The following RBFOX1 variants were observed in gnomAD, a reference collection of about 807,000 sequenced individuals.
RBFOX1 encodes RNA binding fox-1 homolog 1.
In RBFOX1, 8 loss-of-function variants were observed where a neutral mutation model predicts 57.7. The observed-to-expected ratio is 0.14, with a 90% confidence interval of 0.08 to 0.25. The LOEUF is 0.25. Ranked by LOEUF, RBFOX1 falls within the 10% of genes least tolerant of loss-of-function variation. The pLI is 1.00. For synonymous variants in RBFOX1, 326 were observed against 222.4 expected (o/e 1.47, Z -4.15); for missense variants, 611 against 548.5 (o/e 1.11, Z -1.14).
chr16:6,929,807 T>C (rs1359405267), intron 3 of RBFOX1, among the ~76,000 whole-genome samples: 5 of 152,192 alleles, frequency 3.3e-5, no homozygotes, highest in Admixed American at 3.3e-4. Context: ...TCAAAGAAGT[T>C]GCTCATGCTG....
intron 1 of RBFOX1, among the ~76,000 whole-genome samples, chr16:6,152,616 T>C (rs1044401138): frequency 6.6e-6 from 1 of 152,308 alleles, no homozygotes; most frequent in East Asian, 1.9e-4. Flanking sequence ...CTAATTACAC[T>C]AGAAATATTA....
rs529356437 is a variant in RBFOX1, at chr16:6,023,950, T to C, written c.-127+3958T>C. Among the ~76,000 whole-genome samples, 50 of 152,316 alleles carry C rather than the reference T, an allele frequency of 3.3e-4. 1 individual carries two copies. The highest frequency in any genetic ancestry group is 2.7e-3 in the South Asian group (13 of 4,826). On this transcript the variant is annotated intron_variant, in intron 1 of 15. Coordinates refer to ENST00000550418, the MANE Select transcript of RBFOX1 (RefSeq NM_018723.4). ...GTGATGGAGCTTCAAAACAAGGGGA[T>C]CTAGCACTTTCAGATGATGTCAACT... is the stretch of plus-strand genomic sequence containing the variant.
chr16:5,580,904 C>T (rs1696234700), intron 2 of RBFOX1, among the ~76,000 whole-genome samples: 1 of 152,172 alleles, frequency 6.6e-6, no homozygotes, highest in South Asian at 2.1e-4. Flanking sequence ...TGGTCCTTCC[C>T]AGTCATTCTA....
At chr16:6,325,572 T>C (rs1004657537) in intron 2 of RBFOX1, among the ~76,000 whole-genome samples, 3 of 152,182 alleles carry the variant, frequency 2.0e-5, no homozygotes, top group African/African-American at 7.2e-5. Context: ...CCTGAGGATG[T>C]AGTGTTGTTT....
chr16:6,557,246 T>G (rs1356021925), intron 2 of RBFOX1, among the ~76,000 whole-genome samples: 1 of 151,248 alleles, frequency 6.6e-6, no homozygotes, highest in Non-Finnish European at 1.5e-5. Flanking sequence ...ACCATGCCCT[T>G]CTTTTTCGGG....
At chr16:6,361,776 G>T (rs1223534413) in intron 2 of RBFOX1, among the ~76,000 whole-genome samples, 1 of 152,096 alleles carries the variant, frequency 6.6e-6, no homozygotes, top group Non-Finnish European at 1.5e-5. Context: ...GTATTTTAAA[G>T]ATTTCCCCAG....
At chr16:7,659,528 A>G (rs981760788) in intron 12 of RBFOX1, among the ~76,000 whole-genome samples, 4 of 152,326 alleles carry the variant, frequency 2.6e-5, no homozygotes, top group Non-Finnish European at 5.9e-5. Context: ...GGACACACTG[A>G]AAGAATTGAC....
chr16:5,755,553 C>T (rs1338009646), intron 3 of RBFOX1, among the ~76,000 whole-genome samples: 1 of 152,170 alleles, frequency 6.6e-6, no homozygotes, highest in African/African-American at 2.4e-5. Context: ...GACCACTTCC[C>T]CATGGGCATC....
chr16:7,274,145 T>A (rs996992476), intron 4 of RBFOX1, among the ~76,000 whole-genome samples: 4 of 152,228 alleles, frequency 2.6e-5, no homozygotes, highest in African/African-American at 9.6e-5. Context: ...CCTTTGTCTA[T>A]CCTGGAGGTT....
chr16:5,357,488 G>T (rs2065423407), intron 1 of RBFOX1, among the ~76,000 whole-genome samples: 1 of 152,252 alleles, frequency 6.6e-6, no homozygotes, highest in African/African-American at 2.4e-5. Context: ...GAGCCACACA[G>T]AGAAGACTTC....
At chr16:6,087,897 T>C (rs2096112395) in intron 1 of RBFOX1, among the ~76,000 whole-genome samples, 1 of 152,200 alleles carries the variant, frequency 6.6e-6, no homozygotes. Context: ...GTGATCCACC[T>C]GCCTCGGCCT....
At chr16:7,410,801 T>C (rs559255857) in intron 4 of RBFOX1, among the ~76,000 whole-genome samples, 2 of 151,648 alleles carry the variant, frequency 1.3e-5, no homozygotes, top group East Asian at 2.0e-4. Flanking sequence ...GCCTGCATTT[T>C]CATCAGGCTT....
chr16:6,718,279 G>C (rs1312956439), intron 3 of RBFOX1, among the ~76,000 whole-genome samples: 1 of 152,156 alleles, frequency 6.6e-6, no homozygotes, highest in East Asian at 1.9e-4. Context: ...CCACGTGCTG[G>C]GGTTGGAGTG....
At chr16:5,585,519 T>C (rs2046802138) in intron 2 of RBFOX1, among the ~76,000 whole-genome samples, 1 of 152,222 alleles carries the variant, frequency 6.6e-6, no homozygotes, top group Admixed American at 6.5e-5. Flanking sequence ...AGCTATTTGT[T>C]TCTTGTGAGT....
At chr16:5,341,510 T>C (rs2065031883) in intron 1 of RBFOX1, among the ~76,000 whole-genome samples, 1 of 152,092 alleles carries the variant, frequency 6.6e-6, no homozygotes, top group Non-Finnish European at 1.5e-5. Context: ...GGATTGGATG[T>C]GGGGTGGGGA....
chr16:5,765,099 T>C (rs180683936), intron 3 of RBFOX1, among the ~76,000 whole-genome samples: 1 of 152,194 alleles, frequency 6.6e-6, no homozygotes, highest in East Asian at 1.9e-4. Context: ...CATGTTTGCA[T>C]GAAAGCATCT....
intron 3 of RBFOX1, among the ~76,000 whole-genome samples, chr16:6,656,646 TA>T (rs2098655259): frequency 6.7e-6 from 1 of 148,498 alleles, no homozygotes; most frequent in Non-Finnish European, 1.5e-5. Flanking sequence ...AGTTTTTTCA[TA>T]AATTGTTGGA....
At chr16:7,419,179 A>G (rs1015849817) in intron 4 of RBFOX1, among the ~76,000 whole-genome samples, 1 of 152,130 alleles carries the variant, frequency 6.6e-6, no homozygotes, top group Non-Finnish European at 1.5e-5. Flanking sequence ...AAGTGCTGGG[A>G]TTACAAGCGT....
At chr16:7,501,338 C>T (rs1183301373) in intron 4 of RBFOX1, among the ~76,000 whole-genome samples, 2 of 152,232 alleles carry the variant, frequency 1.3e-5, no homozygotes, top group South Asian at 4.1e-4. Context: ...CTTCCTCTTT[C>T]CTTCCATTCA....
Sources: allele counts gnomAD v4.1 joint callset (sites outside exome capture counted in the v4.1 genomes callset), GRCh38; gene constraint gnomAD v4.1.1; transcripts MANE v1.5; gene names NCBI Gene and HGNC (gene_info 2026-07-23, HGNC 2026-07-21).